The following ZNF311 variants were observed in gnomAD, a reference collection of about 807,000 sequenced individuals.
The protein encoded by ZNF311 is zinc finger protein 311.
Under a neutral mutation model 22.7 loss-of-function variants are expected in ZNF311, and 14 were observed. That is an observed-to-expected ratio of 0.62 (90% CI 0.41 to 0.96). The LOEUF is 0.96. Ranked by LOEUF, ZNF311 falls within the 40% of genes least tolerant of loss-of-function variation. ZNF311 has a pLI of 0.00. For synonymous variants in ZNF311, 250 were observed against 275.3 expected (o/e 0.91, Z 0.91); for missense variants, 731 against 799.0 (o/e 0.91, Z 1.03).
chr6:28,994,927 ATAAC>A lies in ZNF311; in HGVS notation c.*70_*73del. ...ACAATTAAGGGTCAGGAAATCAGGAATAACTAATATAAGAGACAGAAGGACCAGC... is the reference window on the plus strand; with the variant it reads ...ACAATTAAGGGTCAGGAAATCAGGAATAATATAAGAGACAGAAGGACCAGC... On this transcript the variant is annotated 3_prime_UTR_variant, in exon 7 of 7. Transcript: ENST00000377179. 1 of 1,433,234 alleles carries A rather than the reference ATAAC, an allele frequency of 7.0e-7. No individual in the cohort carries two copies. The highest frequency in any genetic ancestry group is 1.4e-5 in the African/African-American group (1 of 70,100). 88.8% of individuals were successfully genotyped at this position (1,433,234 alleles called of 1,614,324 possible).
rs189924219 is a variant in ZNF311, at chr6:28,996,342, G to A, written c.660C>T (p.Asn220=). The A allele has an allele frequency of 1.5e-5, 24 of 1,612,396 alleles. No homozygotes were observed. The highest frequency in any genetic ancestry group is 3.3e-4 in the Middle Eastern group (2 of 6,084). Residue 220 remains asparagine, a synonymous_variant, in exon 7 of 7, where the codon AAC becomes AAT. Coordinates refer to ENST00000377179, the MANE Select transcript of ZNF311 (RefSeq NM_001382360.1). ...TCAAGTTTTTACTAAGCACTTTCTG[G>A]TTCTTTCCTTTTTTGCAGGTCACTT... is the stretch of plus-strand genomic sequence containing the variant. ...SEEVTCKKGK[N]QKVLSKNLNP...
rs200622488 is a variant in ZNF311, at chr6:28,995,560, C to T, written c.1442G>A (p.Arg481His). The T allele has an allele frequency of 4.0e-5, 65 of 1,613,676 alleles. No individual in the cohort carries two copies. Among genetic ancestry groups the T allele is most frequent in the East Asian group, 1.6e-4 (7 of 44,864 alleles). Reference sequence around the variant, plus strand: ...ATGAGCCCTGCGCTTACAGTTATGACGAAAGGCTTTCCCACACTCCTCACA... The same window carrying T: ...ATGAGCCCTGCGCTTACAGTTATGATGAAAGGCTTTCCCACACTCCTCACA... ...YRCEECGKAF[R>H]HNCKRRAHER... The change falls in exon 7 of 7, where the codon CGT (arginine) becomes CAT (histidine). Residue 481 changes from arginine to histidine, a missense_variant. Transcript: ENST00000377179. This position sits in a 1 kb window ranked among gnomAD's most constrained non-coding sequence, Gnocchi z 4.7.
rs1779373815 is a variant in ZNF311, at chr6:28,995,530, C to T, written c.1472G>A (p.Arg491Gln). The T allele has an allele frequency of 1.9e-5, 30 of 1,613,628 alleles. No individual in the cohort carries two copies. Among genetic ancestry groups the T allele is most frequent in the Middle Eastern group, 1.6e-4 (1 of 6,082 alleles). ...RHNCKRRAHE[R>Q]EHTGEKPYQC... Reference sequence around the variant, plus strand: ...ATAGGGCTTCTCCCCTGTATGCTCTCGTTCATGAGCCCTGCGCTTACAGTT... The same window carrying T: ...ATAGGGCTTCTCCCCTGTATGCTCTTGTTCATGAGCCCTGCGCTTACAGTT... Residue 491 changes from arginine (R) to glutamine (Q), a missense_variant, in exon 7 of 7, where the codon CGA becomes CAA. Physicochemically the swap from Arg to Gln is conservative, Grantham distance 43. Coordinates refer to ENST00000377179, the MANE Select transcript of ZNF311 (RefSeq NM_001382360.1). The surrounding 1 kb of genome is among the most constrained non-coding windows in gnomAD (Gnocchi z 4.7).
chr6:29,001,602 C>T (rs972741749), intron 3 of ZNF311, among the ~76,000 whole-genome samples: 4 of 152,196 alleles, frequency 2.6e-5, no homozygotes, highest in African/African-American at 7.2e-5. Flanking sequence ...ATAACATTAA[C>T]ACACTTAAAG....
chr6:29,004,204 A>G lies in ZNF311; in HGVS notation c.-250T>C. 7.1e-7 allele frequency: 1 copy of G among 1,411,274 alleles called. No homozygotes were observed. The highest frequency in any genetic ancestry group is 9.2e-7 in the Non-Finnish European group (1 of 1,087,382). 87.4% of individuals were successfully genotyped at this position (1,411,274 alleles called of 1,614,324 possible). ...CAACACTAAACCGCTGTGATCTCAC[A>G]TCTTGTTTCCCTGCATATTTGGTGA... On this transcript the variant is annotated 5_prime_UTR_variant, in exon 2 of 7. The change abolishes an upstream ATG in the 5' untranslated region. Coordinates refer to ENST00000377179, the MANE Select transcript of ZNF311 (RefSeq NM_001382360.1).
Position 28,995,346 on chromosome 6 carries a change from C to T in ZNF311, c.1656G>A (p.Glu552=), listed in dbSNP as rs1390602893. The T allele has an allele frequency of 1.2e-6, 2 of 1,614,060 alleles. No homozygotes were observed. The highest frequency in any genetic ancestry group is 1.7e-6 in the Non-Finnish European group (2 of 1,180,034). The change falls in exon 7 of 7, where the codon GAG becomes GAA. Residue 552 remains glutamate, a synonymous_variant. Coordinates refer to ENST00000377179, the MANE Select transcript of ZNF311 (RefSeq NM_001382360.1). This position sits in a 1 kb window ranked among gnomAD's most constrained non-coding sequence, Gnocchi z 4.7. ...LTNHRRIHTG[E]KPHKCEVCGM... Reference sequence around the variant, plus strand: ...CACATACCTCACATTTGTGAGGCTTCTCTCCAGTGTGAATTCTTCGATGAT... The same window carrying T: ...CACATACCTCACATTTGTGAGGCTTTTCTCCAGTGTGAATTCTTCGATGAT...
At position 28,995,801 on chromosome 6, in the gene ZNF311, C is replaced by T. The variant is rs914126552; in HGVS notation, c.1201G>A (p.Asp401Asn). ...TGGATTCTTATGTGTTTGGTGAGGT[C>T]TGAACTCCCACTGAAGGCCTTCCCG... ...ECGKAFSGSS[D>N]LTKHIRIHTG... is the part of the protein sequence containing the mutation. The change falls in exon 7 of 7, where the codon GAC becomes AAC. Residue 401 changes from aspartate (D) to asparagine (N), a missense_variant. Asp to Asn is a conservative substitution (Grantham distance 23). Coordinates refer to ENST00000377179, the MANE Select transcript of ZNF311 (RefSeq NM_001382360.1). The surrounding 1 kb of genome is among the most constrained non-coding windows in gnomAD (Gnocchi z 4.7). The T allele has an allele frequency of 1.3e-5, 21 of 1,613,654 alleles. No homozygotes were observed. Among genetic ancestry groups the T allele is most frequent in the Non-Finnish European group, 1.7e-5 (20 of 1,179,988 alleles).
Position 28,995,051 on chromosome 6 carries a change from G to C in ZNF311, c.1951C>G (p.Pro651Ala). Reference protein sequence around the residue: ...ELDGSRKSLSPVTVSQTSVVS... With the variant: ...ELDGSRKSLSAVTVSQTSVVS... ...ACTGAGGTCTGAGAAACAGTCACTG[G>C]AGAGAGGGATTTCCTACTCCCATCA... is the stretch of plus-strand genomic sequence containing the variant. The change falls in exon 7 of 7, where the codon CCA becomes GCA. Residue 651 changes from proline (P) to alanine (A), a missense_variant. Coordinates refer to ENST00000377179, the MANE Select transcript of ZNF311 (RefSeq NM_001382360.1). This position sits in a 1 kb window ranked among gnomAD's most constrained non-coding sequence, Gnocchi z 4.7. 6.2e-7 allele frequency: 1 copy of C among 1,613,190 alleles called. No homozygotes were observed. Among genetic ancestry groups the C allele is most frequent in the South Asian group, 1.1e-5 (1 of 91,048 alleles).
chr6:29,003,936 C>G lies in ZNF311; in HGVS notation c.9+10G>C. On this transcript the variant is annotated intron_variant, in intron 2 of 6. Transcript: ENST00000377179. ...TCCTTGTGATGTATCACAGACCCTC[C>G]TCTTCTTACCTCCTGCATCTTTTTA... 6.2e-7 allele frequency: 1 copy of G among 1,612,866 alleles called. No homozygotes were observed. The highest frequency in any genetic ancestry group is 1.1e-5 in the South Asian group (1 of 91,080).
intron 2 of ZNF311, 42 bp from the exon 3 acceptor site, chr6:29,003,636 T>C: frequency 1.2e-6 from 2 of 1,602,836 alleles, no homozygotes; most frequent in Non-Finnish European, 1.7e-6. Context: ...GTTATGAAGG[T>C]GAGAAAAATA....
rs1276618074 is a variant in ZNF311 at position 28,998,786 on chromosome 6, G to T, written c.363C>A (p.Asp121Glu). The T allele has an allele frequency of 2.5e-6, 4 of 1,612,854 alleles. No homozygotes were observed. The East Asian group carries it at 6.7e-5, about 27-fold the overall frequency. ...PLISHLEREV[D>E]PCVQDPQDRE... Reference sequence around the variant, plus strand: ...TGTCCTGTGGATCCTGCACACAGGGGTCTACTTCTCGCTCCAGATGAGAGA... The same window carrying T: ...TGTCCTGTGGATCCTGCACACAGGGTTCTACTTCTCGCTCCAGATGAGAGA... The change falls in exon 6 of 7, where the codon GAC (aspartate) becomes GAA (glutamate). Residue 121 changes from aspartate (D) to glutamate (E), a missense_variant. Transcript: ENST00000377179.
At position 28,996,473 on chromosome 6, in the gene ZNF311, G is replaced by A. The variant is rs200940477; in HGVS notation, c.529C>T (p.Arg177Trp). 24 of 1,608,420 alleles carry A rather than the reference G, an allele frequency of 1.5e-5. No individual in the cohort carries two copies. Among genetic ancestry groups the A allele is most frequent in the African/African-American group, 9.3e-5 (7 of 74,872 alleles). ...CAAACTTCTCTAACCTTAGGATCCC[G>A]GGAATCAACTTTTAGGAGACTGTTA... ...KFNSLLKVDSRDPKVREVCVQ... is the reference protein window; with the variant it reads ...KFNSLLKVDSWDPKVREVCVQ... Residue 177 changes from arginine (R) to tryptophan (W), a missense_variant, in exon 7 of 7, where the codon CGG becomes TGG. Arg to Trp is a moderately radical substitution (Grantham distance 101, BLOSUM62 -3). Coordinates refer to ENST00000377179, the MANE Select transcript of ZNF311 (RefSeq NM_001382360.1).
chr6:29,002,438 T>C (rs1780575770), intron 3 of ZNF311, among the ~76,000 whole-genome samples: 1 of 152,196 alleles, frequency 6.6e-6, no homozygotes, highest in African/African-American at 2.4e-5. Flanking sequence ...ATTCCTCCTC[T>C]AGATGTTTCA....
At chr6:29,001,196 C>T (rs1025647615) in intron 3 of ZNF311, among the ~76,000 whole-genome samples, 5 of 152,144 alleles carry the variant, frequency 3.3e-5, no homozygotes, top group East Asian at 1.9e-4. Flanking sequence ...ATCAACACAT[C>T]GCCAAGTCCA....
Position 28,996,558 on chromosome 6 carries a change from A to T in ZNF311, c.444T>A (p.Asn148Lys). ...PVSADKMWPE[N>K]EKASSQQEIF... ...TCTCTTGTTGTGAACTTGCCTTTTCATTCTCAGGCCACATCTTGTCAGCTG... is the reference window on the plus strand; with the variant it reads ...TCTCTTGTTGTGAACTTGCCTTTTCTTTCTCAGGCCACATCTTGTCAGCTG... Residue 148 changes from asparagine to lysine, a missense_variant, in exon 7 of 7, where the codon AAT becomes AAA. Physicochemically the swap from Asn to Lys is moderately conservative, Grantham distance 94 (BLOSUM62 0). Coordinates refer to ENST00000377179, the MANE Select transcript of ZNF311 (RefSeq NM_001382360.1). 6.2e-7 allele frequency: 1 copy of T among 1,601,352 alleles called. No homozygotes were observed.
At chr6:28,996,709 G>A in intron 6 of ZNF311, 123 bp from the exon 7 acceptor site, 3 of 1,069,542 alleles carry the variant, frequency 2.8e-6, no homozygotes, top group Non-Finnish European at 3.9e-6. Context: ...TAACGTTGTG[G>A]CCAAAAGTCA....
chr6:28,995,133 G>C lies in ZNF311; in HGVS notation c.1869C>G (p.Ser623Arg), dbSNP rs1221449909. Residue 623 changes from serine to arginine, a missense_variant, in exon 7 of 7, where the codon AGC becomes AGG. Coordinates refer to ENST00000377179, the MANE Select transcript of ZNF311 (RefSeq NM_001382360.1). The surrounding 1 kb of genome is among the most constrained non-coding windows in gnomAD (Gnocchi z 4.7). ...CEECGKAFRV[S>R]SNLTGHKKRK... ...TTTTCTTATGTCCAGTAAGATTTGA[G>C]CTCACTCTAAAAGCTTTTCCACATT... 6.2e-7 allele frequency: 1 copy of C among 1,613,984 alleles called. No individual in the cohort carries two copies.
Position 28,995,879 on chromosome 6 carries a change from T to C in ZNF311, c.1123A>G (p.Thr375Ala). The C allele has an allele frequency of 6.2e-7, 1 of 1,613,960 alleles. No homozygotes were observed. The highest frequency in any genetic ancestry group is 8.5e-7 in the Non-Finnish European group (1 of 1,180,020). The stretch of plus-strand genomic sequence containing the variant: ...CCAGTGTGGATTCTGCCATGGATGG[T>C]AAGGGAATGCTTAAACTGGAAGGCC... ...GKAFQFKHSL[T>A]IHGRIHTGEK... is the part of the protein sequence containing the mutation. Residue 375 changes from threonine (T) to alanine (A), a missense_variant, in exon 7 of 7, where the codon ACC becomes GCC. Physicochemically the swap from Thr to Ala is moderately conservative, Grantham distance 58. Transcript: ENST00000377179. The surrounding 1 kb of genome is among the most constrained non-coding windows in gnomAD (Gnocchi z 4.7).
In ZNF311 at chr6:28,994,955, G is replaced by GA; in HGVS notation, c.*45_*46insT. 6.6e-7 allele frequency: 1 copy of GA among 1,525,348 alleles called. No homozygotes were observed. Among genetic ancestry groups the GA allele is most frequent in the Non-Finnish European group, 8.8e-7 (1 of 1,140,234 alleles). 94.5% of individuals were successfully genotyped at this position (1,525,348 alleles called of 1,614,324 possible). ...ACTAATATAAGAGACAGAAGGACCA[G>GA]CCTAAGAGGTAGGAAAAACAGAAAG... is the stretch of plus-strand genomic sequence containing the variant. On this transcript the variant is annotated 3_prime_UTR_variant, in exon 7 of 7. Coordinates refer to ENST00000377179, the MANE Select transcript of ZNF311 (RefSeq NM_001382360.1).
Sources: gnomAD v4.1 joint callset for allele counts (sites outside exome capture counted in the v4.1 genomes callset) on GRCh38, gnomAD v4.1.1 for gene constraint, Gnocchi (gnomAD v3.1) non-coding constraint, MANE v1.5 for transcripts, NCBI Gene and HGNC (gene_info 2026-07-23, HGNC 2026-07-21) for gene names.